Variants in PHACTR1 observed in about 807,000 individuals in gnomAD.
PHACTR1 encodes phosphatase and actin regulator 1, also known as RPEL repeat containing 1.
Under a neutral mutation model 69.2 loss-of-function variants are expected in PHACTR1, and 16 were observed. The observed-to-expected ratio is 0.23, with a 90% CI of 0.16 to 0.35. The LOEUF (loss-of-function observed/expected upper bound fraction) is 0.35. Ranked by LOEUF, PHACTR1 falls within the 10% of genes least tolerant of loss-of-function variation. PHACTR1 has a pLI of 1.00. For missense variants in PHACTR1, 510 were observed against 734.7 expected (o/e 0.69, Z 3.54); for synonymous variants, 312 against 284.5 (o/e 1.10, Z -0.97).
At chr6:13,167,046 A>G (rs1021332016) in intron 6 of PHACTR1, among the ~76,000 whole-genome samples, 1 of 152,162 alleles carries the variant, frequency 6.6e-6, no homozygotes, top group Non-Finnish European at 1.5e-5. Flanking sequence ...GATTATTCCA[A>G]TGTAGGCAGG....
intron 5 of PHACTR1, among the ~76,000 whole-genome samples, chr6:13,091,068 A>G (rs984776207): frequency 2.0e-5 from 3 of 151,800 alleles, no homozygotes; most frequent in South Asian, 2.1e-4. Flanking sequence ...CTGGAGTGCA[A>G]TGGCGCATCT....
At chr6:13,164,933 G>A (rs1353765842) in intron 6 of PHACTR1, among the ~76,000 whole-genome samples, 1 of 138,200 alleles carries the variant, frequency 7.2e-6, no homozygotes, top group Admixed American at 7.9e-5. Context: ...TAGACAAGAA[G>A]AGCATAGTTA....
intron 10 of PHACTR1, among the ~76,000 whole-genome samples, chr6:13,244,930 C>A (rs1191494989): frequency 6.6e-6 from 1 of 152,124 alleles, no homozygotes; most frequent in Non-Finnish European, 1.5e-5. Flanking sequence ...GAAATCTTTA[C>A]AATTTATGTT....
At chr6:12,987,060 T>A (rs1342915965) in intron 4 of PHACTR1, among the ~76,000 whole-genome samples, 1 of 152,172 alleles carries the variant, frequency 6.6e-6, no homozygotes, top group African/African-American at 2.4e-5. Flanking sequence ...TATCCACACA[T>A]CTATATATGT....
At chr6:13,233,088 C>T (rs1771474350) in intron 10 of PHACTR1, among the ~76,000 whole-genome samples, 1 of 152,192 alleles carries the variant, frequency 6.6e-6, no homozygotes, top group Non-Finnish European at 1.5e-5. Flanking sequence ...GGGGTCCTTG[C>T]ACCTGGTTTA....
chr6:13,196,867 C>G (rs1764511060), intron 7 of PHACTR1, among the ~76,000 whole-genome samples: 3 of 152,228 alleles, frequency 2.0e-5, no homozygotes, highest in Admixed American at 1.3e-4. Flanking sequence ...CCTCTCTGCT[C>G]TATTACTTGA....
chr6:12,975,597 A>G (rs1434718165), intron 4 of PHACTR1, among the ~76,000 whole-genome samples: 2 of 152,124 alleles, frequency 1.3e-5, no homozygotes, highest in East Asian at 3.9e-4. Context: ...CTTTTCTTTT[A>G]TGAGACAGGG....
At chr6:12,845,441 C>G (rs983062322) in intron 4 of PHACTR1, among the ~76,000 whole-genome samples, 8 of 100,416 alleles carry the variant, frequency 8.0e-5, no homozygotes, top group Admixed American at 3.7e-4. Flanking sequence ...CCCCCCCCCC[C>G]CCGCCCTCCG....
intron 3 of PHACTR1, among the ~76,000 whole-genome samples, chr6:12,733,201 G>A (rs1334127413): frequency 2.0e-5 from 3 of 152,058 alleles, no homozygotes; most frequent in Non-Finnish European, 2.9e-5. Context: ...TCATTTAACC[G>A]TGTAATTACT....
chr6:13,207,508 A>G (rs1031089037), intron 8 of PHACTR1, among the ~76,000 whole-genome samples: 1 of 152,202 alleles, frequency 6.6e-6, no homozygotes, highest in Non-Finnish European at 1.5e-5. Flanking sequence ...GCCTGCAGCC[A>G]CGACCCTAAC....
At chr6:12,806,943 T>G (rs1774414857) in intron 4 of PHACTR1, among the ~76,000 whole-genome samples, 1 of 152,202 alleles carries the variant, frequency 6.6e-6, no homozygotes, top group Non-Finnish European at 1.5e-5. Flanking sequence ...AGCAATCAGA[T>G]GACAAGTTGA....
chr6:12,731,621 T>C (rs1763536466), intron 3 of PHACTR1, among the ~76,000 whole-genome samples: 2 of 152,242 alleles, frequency 1.3e-5, no homozygotes, highest in South Asian at 4.1e-4. Flanking sequence ...TCTCATTTTA[T>C]CTATAAAAAG....
chr6:12,842,632 C>T (rs1469180940), intron 4 of PHACTR1, among the ~76,000 whole-genome samples: 3 of 152,166 alleles, frequency 2.0e-5, no homozygotes, highest in Non-Finnish European at 4.4e-5. Context: ...GCCTCCACCT[C>T]CTGGGCCTAG....
chr6:12,742,164 G>A (rs561139744), intron 3 of PHACTR1, among the ~76,000 whole-genome samples: 3 of 152,274 alleles, frequency 2.0e-5, no homozygotes, highest in Admixed American at 6.5e-5. Context: ...TACTGTACTG[G>A]CAGAGGCATG....
intron 4 of PHACTR1, among the ~76,000 whole-genome samples, chr6:12,956,637 G>T (rs1345820659): frequency 6.6e-6 from 1 of 152,110 alleles, no homozygotes; most frequent in Non-Finnish European, 1.5e-5. Context: ...TGGCTGGAGA[G>T]GGTTTATGAG....
chr6:13,074,633 C>T (rs1351717180), intron 5 of PHACTR1, among the ~76,000 whole-genome samples: 4 of 152,104 alleles, frequency 2.6e-5, no homozygotes, highest in Non-Finnish European at 5.9e-5. Context: ...GGAATTTAAC[C>T]TACATATATA....
intron 4 of PHACTR1, among the ~76,000 whole-genome samples, chr6:13,004,647 C>T (rs929124846): frequency 3.3e-5 from 5 of 152,114 alleles, no homozygotes; most frequent in African/African-American, 1.2e-4. Flanking sequence ...CACCTATCAA[C>T]CTCTCATCTA....
At chr6:13,160,145 T>C in intron 5 of PHACTR1, 59 bp from the exon 6 acceptor site, 2 of 1,468,164 alleles carry the variant, frequency 1.4e-6, no homozygotes, top group Non-Finnish European at 1.9e-6. Flanking sequence ...ATAGGATCCT[T>C]TAGAAGACAA....
intron 4 of PHACTR1, among the ~76,000 whole-genome samples, chr6:12,785,659 A>T (rs756309347): frequency 6.6e-6 from 1 of 152,226 alleles, no homozygotes; most frequent in African/African-American, 2.4e-5. Context: ...GAAACTGGAC[A>T]TCGTAGAAAA....
Sources: allele counts gnomAD v4.1 joint callset (sites outside exome capture counted in the v4.1 genomes callset), GRCh38; gene constraint gnomAD v4.1.1; transcripts MANE v1.5; gene names NCBI Gene and HGNC (gene_info 2026-07-23, HGNC 2026-07-21).